PGAP6: variants seen among roughly 807,000 people sequenced by gnomAD.
The protein encoded by PGAP6 is post-GPI attachment to proteins 6.
In PGAP6, 62 loss-of-function variants were observed where a neutral mutation model predicts 68.4. That is an observed-to-expected ratio of 0.91 (90% CI 0.74 to 1.12). PGAP6 has a LOEUF of 1.12. Ranked by LOEUF, PGAP6 falls within the 50% of genes most tolerant of loss-of-function variation. The probability of loss-of-function intolerance (pLI) is 0.00; values close to 1 mark genes in which losing one functional copy is unlikely to be tolerated. For synonymous variants in PGAP6, 575 were observed against 474.0 expected (o/e 1.21, Z -2.77); for missense variants, 1,188 against 1,068.5 (o/e 1.11, Z -1.56).
chr16:375,680 C>T (rs1037597030), intron 6 of PGAP6, among the ~76,000 whole-genome samples: 1 of 152,110 alleles, frequency 6.6e-6, no homozygotes, highest in Admixed American at 6.5e-5. Flanking sequence ...TACAGGCGCC[C>T]GCCACCACGC....
chr16:373,839 G>A (rs368290252), intron 11 of PGAP6, among the ~76,000 whole-genome samples, 166 bp downstream of exon 11: 1 of 148,400 alleles, frequency 6.7e-6, no homozygotes, highest in African/African-American at 2.6e-5. Flanking sequence ...CACCATGCTC[G>A]GCCTAGGGAT....
chr16:379,915 C>T (rs931326431), intron 1 of PGAP6, among the ~76,000 whole-genome samples: 2 of 152,280 alleles, frequency 1.3e-5, no homozygotes, highest in African/African-American at 4.8e-5. Context: ...GCCTGCCCCA[C>T]AGCCCCTCCA....
chr16:381,145 C>T (rs2054433863), intron 1 of PGAP6, among the ~76,000 whole-genome samples: 1 of 152,140 alleles, frequency 6.6e-6, no homozygotes, highest in African/African-American at 2.4e-5. Flanking sequence ...GGCGCCCTTT[C>T]CTCAGCCCCT....
Position 377,749 on chromosome 16 carries a change from G to C in PGAP6, c.221C>G (p.Pro74Arg). 1.3e-6 allele frequency: 2 copies of C among 1,594,948 alleles called. No individual in the cohort carries two copies. The highest frequency in any genetic ancestry group is 1.7e-6 in the Non-Finnish European group (2 of 1,171,406). Reference sequence around the variant, plus strand: ...GAGCCAGCGTAGAAGCACAGCATCTGGGGGCACGCGGAAGCGGAAGAGCCT... The same window carrying C: ...GAGCCAGCGTAGAAGCACAGCATCTCGGGGCACGCGGAAGCGGAAGAGCCT... ...SARLFRFRVPPDAVLLRWLLQ... is the reference protein window; with the variant it reads ...SARLFRFRVPRDAVLLRWLLQ... Residue 74 changes from proline to arginine, a missense_variant, in exon 2 of 13, where the codon CCA becomes CGA. Pro to Arg is a moderately radical substitution (Grantham distance 103). Transcript: ENST00000431232.
upstream of PGAP6, chr16:386,722 AAACC>A: frequency 2.3e-6 from 1 of 439,624 alleles, no homozygotes; most frequent in African/African-American, 3.0e-5. Flanking sequence ...AAAAAAAAAA[AAACC>A]AAAAAAAAAA....
At chr16:376,014 C>A in intron 6 of PGAP6, 122 bp downstream of exon 6, 2 of 1,051,548 alleles carry the variant, frequency 1.9e-6, no homozygotes, top group Non-Finnish European at 2.7e-6. Flanking sequence ...CCTGTCTTGG[C>A]CCGTGCCTGC....
intron 3 of PGAP6, 42 bp downstream of exon 3, chr16:377,336 G>A (rs1018026663): frequency 2.3e-5 from 35 of 1,552,766 alleles, no homozygotes; most frequent in Admixed American, 1.1e-4. Flanking sequence ...GGCCATCGCC[G>A]CAAGGTTCTC....
chr16:383,024 G>C (rs2054457237), upstream of PGAP6, among the ~76,000 whole-genome samples: 1 of 152,210 alleles, frequency 6.6e-6, no homozygotes, highest in Non-Finnish European at 1.5e-5. Flanking sequence ...GCTGAGGCCA[G>C]AGAATCGCCT....
upstream of PGAP6, chr16:386,606 CAG>C: frequency 8.9e-6 from 3 of 335,398 alleles, no homozygotes; most frequent in South Asian, 7.3e-5. Context: ...ATAGTTTCCC[CAG>C]AGTTTTGGGG....
In PGAP6 at chr16:377,022, C is replaced by A. The variant is rs572203277; in HGVS notation, c.635+15G>T. ...CGGAGGGCAGAGCCGGGCTGCCCCC[C>A]AGGCCCCCGCTCACTTGAGGTAGCT... On this transcript the variant is annotated intron_variant, in intron 4 of 12. Coordinates refer to ENST00000431232, the MANE Select transcript of PGAP6 (RefSeq NM_021259.3). 5 of 1,612,294 alleles carry A rather than the reference C, an allele frequency of 3.1e-6. No individual in the cohort carries two copies. In the East Asian group the frequency reaches 6.7e-5, roughly 22 times the overall value.
At chr16:375,072 C>G (rs554330849) in intron 8 of PGAP6, 61 bp downstream of exon 8, 3 of 1,598,664 alleles carry the variant, frequency 1.9e-6, no homozygotes, top group Non-Finnish European at 2.6e-6. Context: ...GCAGCCCGGC[C>G]TGTGGTCCTG....
chr16:385,529 T>C (rs186934484), upstream of PGAP6, among the ~76,000 whole-genome samples: 43,214 of 132,238 alleles, frequency 0.33, 9,056 homozygotes, highest in African/African-American at 0.54. Context: ...GCCAGGATGG[T>C]CTCGATCTCC....
In PGAP6 at chr16:374,211, G is replaced by A. The variant is rs924545401; in HGVS notation, c.1755+10C>T. The A allele has an allele frequency of 6.2e-7, 1 of 1,610,174 alleles. No homozygotes were observed. The highest frequency in any genetic ancestry group is 8.5e-7 in the Non-Finnish European group (1 of 1,179,700). On this transcript the variant is annotated intron_variant, in intron 10 of 12. Transcript: ENST00000431232. ...CCCACCCCACATCCCTGCAGGAGGGGCCAGCCTACCGTGGAGAAGAACATG... is the reference window on the plus strand; with the variant it reads ...CCCACCCCACATCCCTGCAGGAGGGACCAGCCTACCGTGGAGAAGAACATG...
chr16:380,121 C>G (rs1341699671), intron 1 of PGAP6, among the ~76,000 whole-genome samples: 2 of 152,216 alleles, frequency 1.3e-5, no homozygotes, highest in Non-Finnish European at 2.9e-5. Context: ...CACACCAGGC[C>G]TCTCCACTGT....
rs775341825 is a variant in PGAP6, at chr16:372,292, A to C, written c.2020-9T>G. On this transcript the variant is annotated splice_polypyrimidine_tract_variant and intron_variant, in intron 12 of 12. Coordinates refer to ENST00000431232, the MANE Select transcript of PGAP6 (RefSeq NM_021259.3). ...TGCCCGCAGCGGTAAGCCTGGAGAA[A>C]ACAGCCACGCAGGTATCAGTGCAGG... The C allele has an allele frequency of 2.8e-5, 45 of 1,604,192 alleles. No individual in the cohort carries two copies. Among genetic ancestry groups the C allele is most frequent in the Non-Finnish European group, 3.6e-5 (43 of 1,178,820 alleles).
chr16:382,392 TGCCCC>T (rs1053860416), upstream of PGAP6: 6 of 371,522 alleles, frequency 1.6e-5, no homozygotes, highest in Non-Finnish European at 2.9e-5. Context: ...CGCCCTGCCC[TGCCCC>T]GCCCGGCGCG....
chr16:380,632 G>T (rs2054428801), intron 1 of PGAP6, among the ~76,000 whole-genome samples: 3 of 152,236 alleles, frequency 2.0e-5, no homozygotes, highest in African/African-American at 4.8e-5. Flanking sequence ...CTCCCAAAGT[G>T]CGGGATTGCA....
rs779679853 is a variant in PGAP6 at position 376,154 on chromosome 16, G to C, written c.1206C>G (p.Ile402Met). The C allele has an allele frequency of 4.4e-6, 7 of 1,606,166 alleles. No individual in the cohort carries two copies. In the South Asian group the frequency reaches 6.6e-5, roughly 15 times the overall value. The change falls in exon 6 of 13, where the codon ATC becomes ATG. Residue 402 changes from isoleucine to methionine, a missense_variant. Ile to Met is a conservative substitution (Grantham distance 10). Coordinates refer to ENST00000431232, the MANE Select transcript of PGAP6 (RefSeq NM_021259.3). The stretch of plus-strand genomic sequence containing the variant: ...CAGGTACCTTGTTGGCCCGCAGGGA[G>C]ATGGTGAGGGAACCCCCGCTGTCCA... ...TGMDSGGSLT[I>M]SLRANKTEMR...
chr16:386,725 C>CAAA, upstream of PGAP6: 7 of 283,124 alleles, frequency 2.5e-5, no homozygotes, highest in South Asian at 5.3e-5. Context: ...AAAAAAAAAA[C>CAAA]CAAAAAAAAA....
Sources: allele counts gnomAD v4.1 joint callset (sites outside exome capture counted in the v4.1 genomes callset), GRCh38; gene constraint gnomAD v4.1.1; transcripts MANE v1.5; gene names NCBI Gene and HGNC (gene_info 2026-07-23, HGNC 2026-07-21).